The following PLEKHG3 variants were observed in gnomAD, a reference collection of about 807,000 sequenced individuals.
PLEKHG3 encodes the protein pleckstrin homology domain-containing family G member 3.
A neutral mutation model predicts 94.9 loss-of-function variants in PLEKHG3; 62 were observed. That is an observed-to-expected ratio of 0.65 (90% confidence interval 0.53 to 0.81). PLEKHG3 has a LOEUF of 0.81. Among genes scored for constraint, PLEKHG3 ranks in the 30% least tolerant of loss-of-function variants. The pLI is 0.00. For synonymous variants in PLEKHG3, 614 were observed against 654.0 expected (o/e 0.94, Z 0.93); for missense variants, 1,461 against 1,619.3 (o/e 0.90, Z 1.68).
rs1350264583 is a variant in PLEKHG3, at chr14:64,741,493, A to C, written c.1976A>C (p.Asp659Ala). 9.9e-6 allele frequency: 16 copies of C among 1,612,538 alleles called. No individual in the cohort carries two copies. Among genetic ancestry groups the C allele is most frequent in the African/African-American group, 1.3e-5 (1 of 74,918 alleles). Residue 659 changes from aspartate to alanine, a missense_variant, in exon 16 of 17, where the codon GAC (aspartate) becomes GCC (alanine). Coordinates refer to ENST00000247226, the MANE Select transcript of PLEKHG3 (RefSeq NM_001308147.2). ...KGLARHGSAT[D>A]SLSCQLSPEV... Reference sequence around the variant, plus strand: ...CTGGCCCGGCATGGCAGTGCCACAGACTCCCTCAGCTGTCAGCTCTCCCCA... The same window carrying C: ...CTGGCCCGGCATGGCAGTGCCACAGCCTCCCTCAGCTGTCAGCTCTCCCCA...
chr14:64,737,638 C>T (rs2081597589), intron 14 of PLEKHG3, among the ~76,000 whole-genome samples: 1 of 152,232 alleles, frequency 6.6e-6, no homozygotes, highest in Non-Finnish European at 1.5e-5. Flanking sequence ...TTTCCCTCTC[C>T]CTAGGGTAGA....
rs944226882 is a variant in PLEKHG3, at chr14:64,716,656, AAGG to A, written c.-39-10933_-39-10931del. 4.6e-4 allele frequency among the ~76,000 whole-genome samples: 70 copies of A among 152,160 alleles called. 1 individual carries two copies. The highest frequency in any genetic ancestry group is 1.5e-3 in the African/African-American group (64 of 41,512). ...AAGCGTCAGCTGGTAGAGCAGTTGAAAGGAGGTTATTCCCCTGCCCTGTCTCCT... is the reference window on the plus strand; with the variant it reads ...AAGCGTCAGCTGGTAGAGCAGTTGAAAGGTTATTCCCCTGCCCTGTCTCCT... On this transcript the variant is annotated intron_variant, in intron 1 of 16. Transcript: ENST00000247226. The surrounding 1 kb of genome is among the most constrained non-coding windows in gnomAD (Gnocchi z 5.0).
At chr14:64,707,697 G>A (rs79845914) in intron 1 of PLEKHG3, among the ~76,000 whole-genome samples, 188 of 152,348 alleles carry the variant, frequency 1.2e-3, no homozygotes, top group African/African-American at 4.1e-3. Context: ...GCCTGAAGGC[G>A]GTATTTTTCT....
In PLEKHG3 at chr14:64,716,466, A is replaced by ACACACAAC. The variant is rs1555359403; in HGVS notation, c.-39-11127_-39-11126insCACACAAC. ...CACACACACACACACACACACACAC[A>ACACACAAC]ACACACACACACACAACACACACAC... On this transcript the variant is annotated intron_variant, in intron 1 of 16. Coordinates refer to ENST00000247226, the MANE Select transcript of PLEKHG3 (RefSeq NM_001308147.2). This position sits in a 1 kb window ranked among gnomAD's most constrained non-coding sequence, Gnocchi z 5.0. 2.1e-4 allele frequency among the ~76,000 whole-genome samples: 18 copies of ACACACAAC among 86,446 alleles called. No individual in the cohort carries two copies. The highest frequency in any genetic ancestry group is 7.2e-4 in the African/African-American group (16 of 22,244). The allele number at this position is 86,446 out of a possible 152,430, so 56.7% of individuals were successfully genotyped here.
At chr14:64,710,959 T>G (rs1295486990) in intron 1 of PLEKHG3, among the ~76,000 whole-genome samples, 2 of 152,162 alleles carry the variant, frequency 1.3e-5, no homozygotes, top group Non-Finnish European at 2.9e-5. Flanking sequence ...TTCCCTTGAC[T>G]CTGTTTAGGA....
At chr14:64,710,460 G>A (rs369556142) in intron 1 of PLEKHG3, among the ~76,000 whole-genome samples, 64 of 152,194 alleles carry the variant, frequency 4.2e-4, no homozygotes, top group African/African-American at 1.4e-3. Flanking sequence ...ACCTGAGGTC[G>A]GGAGTTTGAG....
intron 1 of PLEKHG3, among the ~76,000 whole-genome samples, chr14:64,705,147 G>C (rs886873298): frequency 2.6e-5 from 4 of 152,204 alleles, no homozygotes; most frequent in African/African-American, 9.6e-5. Flanking sequence ...CCTGTTCCGG[G>C]TTGGCGCCGC....
At position 64,732,941 on chromosome 14, in the gene PLEKHG3, C is replaced by T; in HGVS notation, c.1345+40C>T. ...GTGGAGGCAGGAGGCCTCTCCCTCACACCCTTGCCCAGACTGGGGACCGTC... is the reference window on the plus strand; with the variant it reads ...GTGGAGGCAGGAGGCCTCTCCCTCATACCCTTGCCCAGACTGGGGACCGTC... On this transcript the variant is annotated intron_variant, in intron 12 of 16. Transcript: ENST00000247226. This position sits in a 1 kb window ranked among gnomAD's most constrained non-coding sequence, Gnocchi z 4.9. 1 of 1,275,054 alleles carries T rather than the reference C, an allele frequency of 7.8e-7. No homozygotes were observed. The highest frequency in any genetic ancestry group is 1.3e-5 in the South Asian group (1 of 79,360). The allele number at this position is 1,275,054 out of a possible 1,614,324, so 79.0% of individuals were successfully genotyped here. A position where few individuals can be genotyped will look rare whatever the true frequency, so the allele number is the denominator to read the frequency against.
rs1284669534 is a variant in PLEKHG3 at position 64,743,275 on chromosome 14, A to G, written c.3232A>G (p.Arg1078Gly). 8.1e-6 allele frequency: 13 copies of G among 1,607,184 alleles called. No individual in the cohort carries two copies. Among genetic ancestry groups the G allele is most frequent in the Non-Finnish European group, 1.0e-5 (12 of 1,178,876 alleles). Reference protein sequence around the residue: ...GGRPRGPPVNRSHSVPENMVE... With the variant: ...GGRPRGPPVNGSHSVPENMVE... The stretch of plus-strand genomic sequence containing the variant: ...CCGGCCCCGCGGCCCACCCGTCAAC[A>G]GGAGCCACTCGGTGCCGGAGAACAT... The change falls in exon 17 of 17, where the codon AGG becomes GGG. Residue 1078 changes from arginine to glycine, a missense_variant. Arg to Gly is a moderately radical substitution (Grantham distance 125). This residue lies in a region of PLEKHG3 where 1,201 missense variants were observed against 1,295.5 expected (regional missense o/e 0.93). Transcript: ENST00000247226. This position sits in a 1 kb window ranked among gnomAD's most constrained non-coding sequence, Gnocchi z 7.2.
chr14:64,714,736 G>GCCTTC (rs1566692444), intron 1 of PLEKHG3, among the ~76,000 whole-genome samples: 1 of 152,172 alleles, frequency 6.6e-6, no homozygotes, highest in African/African-American at 2.4e-5. Flanking sequence ...GAACAGCTTG[G>GCCTTC]CCTTCCCTTC....
chr14:64,729,351 G>A (rs2081413524), intron 3 of PLEKHG3, among the ~76,000 whole-genome samples: 1 of 152,194 alleles, frequency 6.6e-6, no homozygotes. Flanking sequence ...GGGGCTGCTG[G>A]GCCCTACCTT....
At chr14:64,712,579 A>G (rs965320828) in intron 1 of PLEKHG3, among the ~76,000 whole-genome samples, 11 of 152,182 alleles carry the variant, frequency 7.2e-5, no homozygotes, top group Non-Finnish European at 1.3e-4. Context: ...TTTTGCTGCT[A>G]TTATAAATGG....
At position 64,749,507 on chromosome 14, in the gene PLEKHG3, GC is replaced by G. The variant is rs763085995; in HGVS notation, c.*5807del. The G allele has an allele frequency of 7.5e-6, 12 of 1,597,312 alleles. No homozygotes were observed. Among genetic ancestry groups the G allele is most frequent in the South Asian group, 1.1e-5 (1 of 90,644 alleles). On this transcript the variant is annotated 3_prime_UTR_variant, in exon 17 of 17. Transcript: ENST00000247226. This position sits in a 1 kb window ranked among gnomAD's most constrained non-coding sequence, Gnocchi z 4.7. ...CGGAGGGTCACGGTGGAGTCTGGAG[GC>G]CCACAGCCCCCCACCTCCCGGGCCA...
At chr14:64,740,827 GCACCCCCA>G (rs2081670645) in intron 15 of PLEKHG3, among the ~76,000 whole-genome samples, 1 of 152,214 alleles carries the variant, frequency 6.6e-6, no homozygotes, top group Non-Finnish European at 1.5e-5. Flanking sequence ...CATGGGCCCA[GCACCCCCA>G]CTGTACGGTG....
intron 1 of PLEKHG3, among the ~76,000 whole-genome samples, chr14:64,713,479 C>T (rs905178324): frequency 3.9e-5 from 6 of 152,170 alleles, no homozygotes; most frequent in Non-Finnish European, 7.4e-5. Flanking sequence ...CTTGTTTAGA[C>T]TTTTTCTTTC....
intron 1 of PLEKHG3, among the ~76,000 whole-genome samples, chr14:64,719,540 A>G (rs539892916): frequency 2.6e-5 from 4 of 152,052 alleles, no homozygotes; most frequent in East Asian, 1.9e-4. Context: ...GAGGGCCTGG[A>G]AGTCAAATGG....
rs769300381 is a variant in PLEKHG3 at position 64,749,312 on chromosome 14, C to A, written c.*5609C>A. The A allele has an allele frequency of 9.4e-6, 15 of 1,602,802 alleles. No homozygotes were observed. The highest frequency in any genetic ancestry group is 1.3e-5 in the Non-Finnish European group (15 of 1,176,342). On this transcript the variant is annotated 3_prime_UTR_variant, in exon 17 of 17. Coordinates refer to ENST00000247226, the MANE Select transcript of PLEKHG3 (RefSeq NM_001308147.2). The surrounding 1 kb of genome is among the most constrained non-coding windows in gnomAD (Gnocchi z 4.7). ...CGCCCGCCAGCCCCACCTGCTACTT[C>A]TTTTTGGGGAAGAAGCTGAATCTCT...
chr14:64,724,724 C>T (rs1276501114), intron 1 of PLEKHG3, among the ~76,000 whole-genome samples: 1 of 152,184 alleles, frequency 6.6e-6, no homozygotes, highest in Non-Finnish European at 1.5e-5. Flanking sequence ...AAAGCCATGG[C>T]AGCCAGGGCT....
rs1261789433 is a variant in PLEKHG3, at chr14:64,743,437, G to A, written c.3394G>A (p.Val1132Ile). 6.2e-7 allele frequency: 1 copy of A among 1,612,926 alleles called. No individual in the cohort carries two copies. The highest frequency in any genetic ancestry group is 8.5e-7 in the Non-Finnish European group (1 of 1,179,924). ...GCCGGATGGAGGCGAGACCCTGTAT[G>A]TCACTGCAGACCTCACCCTGGAGGA... ...SKPDGGETLY[V>I]TADLTLEDNR... is the part of the protein sequence containing the mutation. Residue 1132 changes from valine (V) to isoleucine (I), a missense_variant, in exon 17 of 17, where the codon GTC becomes ATC. This residue lies in a region of PLEKHG3 where 1,201 missense variants were observed against 1,295.5 expected (regional missense o/e 0.93). Coordinates refer to ENST00000247226, the MANE Select transcript of PLEKHG3 (RefSeq NM_001308147.2). The surrounding 1 kb of genome is among the most constrained non-coding windows in gnomAD (Gnocchi z 7.2).
Sources: allele counts gnomAD v4.1 joint callset (sites outside exome capture counted in the v4.1 genomes callset), GRCh38; gene constraint gnomAD v4.1.1; regional missense constraint gnomAD v4.1.1; non-coding constraint Gnocchi (gnomAD v3.1); transcripts MANE v1.5; gene names NCBI Gene and HGNC (gene_info 2026-07-23, HGNC 2026-07-21).